CACNA1H: variants seen among roughly 807,000 people sequenced by gnomAD.
CACNA1H encodes the protein voltage-dependent T-type calcium channel subunit alpha-1H.
A neutral mutation model predicts 192.5 loss-of-function variants in CACNA1H; 149 were observed. That is an observed-to-expected ratio of 0.77 (90% CI 0.68 to 0.89). CACNA1H has a LOEUF of 0.89. Ranked by LOEUF, CACNA1H falls within the 40% of genes least tolerant of loss-of-function variation. The pLI, the probability that CACNA1H is intolerant of heterozygous loss-of-function variation, is 0.00. For missense variants in CACNA1H, 4,257 were observed against 3,423.5 expected, an observed-to-expected ratio of 1.24 and a Z score of -6.08; for synonymous variants, 2,202 against 1,475.2, an observed-to-expected ratio of 1.49 and a Z score of -11.29.
At chr16:1,162,120 A>G (rs1193606518) in intron 2 of CACNA1H, among the ~76,000 whole-genome samples, 1 of 150,352 alleles carries the variant, frequency 6.7e-6, no homozygotes, top group Non-Finnish European at 1.5e-5. Flanking sequence ...TGTGGCGGGG[A>G]CTCCTCGTCC....
chr16:1,188,413 T>A (rs1596361868), intron 2 of CACNA1H, among the ~76,000 whole-genome samples: 1 of 152,070 alleles, frequency 6.6e-6, no homozygotes, highest in Admixed American at 6.5e-5. Flanking sequence ...CGGCACTGTT[T>A]GGGGGTCTGG....
intron 2 of CACNA1H, among the ~76,000 whole-genome samples, chr16:1,156,815 C>T (rs983204663): frequency 1.1e-4 from 16 of 152,124 alleles, no homozygotes; most frequent in Non-Finnish European, 2.1e-4. Context: ...CGCGTTTATC[C>T]CTGAACCTCT....
At position 1,201,642 on chromosome 16, in the gene CACNA1H, AC is replaced by A; in HGVS notation, c.1213-18del. 1.3e-6 allele frequency: 2 copies of A among 1,549,640 alleles called. No individual in the cohort carries two copies. The highest frequency in any genetic ancestry group is 1.7e-6 in the Non-Finnish European group (2 of 1,146,488). On this transcript the variant is annotated intron_variant, in intron 8 of 34. Coordinates refer to ENST00000348261, the MANE Select transcript of CACNA1H (RefSeq NM_021098.3). The stretch of plus-strand genomic sequence containing the variant: ...GAGACTCGCTCACTCACTGCCACTT[AC>A]CCGCCCGCCCCCGTCACAGGTGGGC...
chr16:1,188,920 C>T (rs918497929), intron 2 of CACNA1H, among the ~76,000 whole-genome samples: 2 of 152,212 alleles, frequency 1.3e-5, no homozygotes, highest in Non-Finnish European at 1.5e-5. Flanking sequence ...CGCCCTGCGT[C>T]CACACCTCCT....
At chr16:1,155,390 C>T (rs1050913176) in intron 2 of CACNA1H, among the ~76,000 whole-genome samples, 4 of 152,190 alleles carry the variant, frequency 2.6e-5, no homozygotes, top group Non-Finnish European at 4.4e-5. Context: ...GTAGGTTTGT[C>T]TCCTCTCTAG....
At chr16:1,195,400 T>C in intron 3 of CACNA1H, 32 bp from the exon 4 acceptor site, 1 of 1,550,110 alleles carries the variant, frequency 6.5e-7, no homozygotes, top group Non-Finnish European at 8.7e-7. Flanking sequence ...GCTGAGCTGT[T>C]CCACGGGCCC....
rs1363782717 is a variant in CACNA1H, at chr16:1,153,308, C to A, written c.-181C>A. The A allele has an allele frequency of 1.4e-5, 2 of 141,886 alleles. No individual in the cohort carries two copies. The highest frequency in any genetic ancestry group is 5.1e-5 in the African/African-American group (2 of 39,214). 8.8% of individuals were successfully genotyped at this position (141,886 alleles called of 1,614,324 possible). A position where few individuals can be genotyped will look rare whatever the true frequency, so the allele number is the denominator to read the frequency against. On this transcript the variant is annotated 5_prime_UTR_variant, in exon 1 of 35. Transcript: ENST00000348261. The stretch of plus-strand genomic sequence containing the variant: ...AGTCGAGCCGCGGCCGGGAGCCGGG[C>A]GGGCTGGGGACGCGGGCCGGGGGCG...
In CACNA1H at chr16:1,221,600, C is replaced by G. The variant is rs1296181074; in HGVS notation, c.*606C>G. 7 of 649,328 alleles carry G rather than the reference C, an allele frequency of 1.1e-5. No homozygotes were observed. The highest frequency in any genetic ancestry group is 1.8e-5 in the Non-Finnish European group (7 of 391,302). 40.2% of individuals were successfully genotyped at this position (649,328 alleles called of 1,614,324 possible). A position where few individuals can be genotyped will look rare whatever the true frequency, so the allele number is the denominator to read the frequency against. ...TAACGCGCCCGGCCCCGATGCGAAT[C>G]AGGCCTCCCCTACATCTGGGGGCGT... On this transcript the variant is annotated 3_prime_UTR_variant, in exon 35 of 35. Transcript: ENST00000348261.
intron 2 of CACNA1H, among the ~76,000 whole-genome samples, chr16:1,190,373 C>G (rs143659324): frequency 0.018 from 2,745 of 152,380 alleles, 24 homozygotes; most frequent in Non-Finnish European, 0.027. Flanking sequence ...ACACAGCCGG[C>G]AGACACTGCC....
chr16:1,196,072 C>T lies in CACNA1H; in HGVS notation c.643+49C>T, dbSNP rs34180694. 2.0e-3 allele frequency: 2,984 copies of T among 1,456,524 alleles called. 48 individuals carry two copies. In the African/African-American group the frequency reaches 0.036, roughly 18 times the overall value. The allele number at this position is 1,456,524 out of a possible 1,614,324, so 90.2% of individuals were successfully genotyped here. On this transcript the variant is annotated intron_variant, in intron 5 of 34. Transcript: ENST00000348261. ...CTTGAGATCAACAGGCTTGCGTGTC[C>T]GCCAGCCCTGCAGAGCTCTCAAAAG... is the stretch of plus-strand genomic sequence containing the variant.
In CACNA1H at chr16:1,201,821, C is replaced by A; in HGVS notation, c.1371C>A (p.Tyr457Ter). The change falls in exon 9 of 35, where the codon TAC becomes TAA. Residue 457 changes from tyrosine (Y) to a stop codon, truncating the protein, a stop_gained. Coordinates refer to ENST00000348261, the MANE Select transcript of CACNA1H (RefSeq NM_021098.3). LOFTEE classifies it high-confidence loss of function. Reference protein sequence around the residue: ...LASFSEPGSCYEELLKYVGHI... With the variant: ...LASFSEPGSC Reference sequence around the variant, plus strand: ...GCTTCTCCGAGCCTGGCAGCTGCTACGAAGAGCTGCTGAAGTACGTGGGCC... The same window carrying A: ...GCTTCTCCGAGCCTGGCAGCTGCTAAGAAGAGCTGCTGAAGTACGTGGGCC... 6.3e-7 allele frequency: 1 copy of A among 1,581,512 alleles called. No individual in the cohort carries two copies. Among genetic ancestry groups the A allele is most frequent in the Non-Finnish European group, 8.6e-7 (1 of 1,164,702 alleles).
In CACNA1H at chr16:1,220,990, T is replaced by C. The variant is rs990512900; in HGVS notation, c.7058T>C (p.Val2353Ala). 6.4e-7 allele frequency: 1 copy of C among 1,574,482 alleles called. No homozygotes were observed. The highest frequency in any genetic ancestry group is 1.4e-5 in the African/African-American group (1 of 73,204). ...CCAGGGGGTGGTGCAGATGACCCCGTGTAGCTCGGGGCTTGGTGCCGCCCA... is the reference window on the plus strand; with the variant it reads ...CCAGGGGGTGGTGCAGATGACCCCGCGTAGCTCGGGGCTTGGTGCCGCCCA... ...PAPGGGADDPV is the reference protein window; with the variant it reads ...PAPGGGADDPA Residue 2353 changes from valine (V) to alanine (A), a missense_variant, in exon 35 of 35, where the codon GTG becomes GCG. Coordinates refer to ENST00000348261, the MANE Select transcript of CACNA1H (RefSeq NM_021098.3).
At position 1,215,349 on chromosome 16, in the gene CACNA1H, T is replaced by C; in HGVS notation, c.5147T>C (p.Ile1716Thr). 1 of 1,611,296 alleles carries C rather than the reference T, an allele frequency of 6.2e-7. No individual in the cohort carries two copies. Residue 1716 changes from isoleucine (I) to threonine (T), a missense_variant, in exon 29 of 35, where the codon ATC (isoleucine) becomes ACC (threonine). Coordinates refer to ENST00000348261, the MANE Select transcript of CACNA1H (RefSeq NM_021098.3). ...ALPINPTIIR[I>T]MRVLRIARVL... ...CCCATCAACCCCACCATCATCCGCA[T>C]CATGCGCGTGCTTCGCATTGCCCGT...
In CACNA1H at chr16:1,210,920, T is replaced by A; in HGVS notation, c.4172T>A (p.Ile1391Asn). ...VAMASAGGAK[I>N]LGVLRVLRLL... ...ATGGCCTCGGCTGGTGGCGCCAAGA[T>A]CCTGGGTGTTCTGCGCGTGCTGCGT... Residue 1391 changes from isoleucine (I) to asparagine (N), a missense_variant, in exon 21 of 35, where the codon ATC becomes AAC. Coordinates refer to ENST00000348261, the MANE Select transcript of CACNA1H (RefSeq NM_021098.3). 1 of 1,602,792 alleles carries A rather than the reference T, an allele frequency of 6.2e-7. No homozygotes were observed.
At chr16:1,169,858 A>G (rs1160471300) in intron 2 of CACNA1H, among the ~76,000 whole-genome samples, 1 of 152,244 alleles carries the variant, frequency 6.6e-6, no homozygotes, top group African/African-American at 2.4e-5. Context: ...GAGGCCGGAC[A>G]TGGGCGTGTG....
intron 2 of CACNA1H, among the ~76,000 whole-genome samples, chr16:1,160,931 C>G (rs1021667675): frequency 2.2e-4 from 34 of 151,874 alleles, no homozygotes; most frequent in South Asian, 1.5e-3. Flanking sequence ...CCAGTGCGGC[C>G]CCCCCCCAGC....
chr16:1,164,096 CT>C (rs913719222), intron 2 of CACNA1H, among the ~76,000 whole-genome samples: 1 of 152,194 alleles, frequency 6.6e-6, no homozygotes, highest in Non-Finnish European at 1.5e-5. Flanking sequence ...TGTGGGGGCA[CT>C]TTTGCCTCTC....
intron 2 of CACNA1H, among the ~76,000 whole-genome samples, chr16:1,193,319 C>T (rs920627807): frequency 2.6e-5 from 4 of 152,376 alleles, no homozygotes; most frequent in Middle Eastern, 3.4e-3. Flanking sequence ...CATCCACCAT[C>T]GCTCCCTTGC....
chr16:1,168,367 C>T (rs1289052958), intron 2 of CACNA1H, among the ~76,000 whole-genome samples: 2 of 152,020 alleles, frequency 1.3e-5, no homozygotes, highest in African/African-American at 4.8e-5. Context: ...GTCCGACCAC[C>T]CACCCCGGGG....
Sources: allele counts gnomAD v4.1 joint callset (sites outside exome capture counted in the v4.1 genomes callset), GRCh38; gene constraint gnomAD v4.1.1; transcripts MANE v1.5; gene names NCBI Gene and HGNC (gene_info 2026-07-23, HGNC 2026-07-21).